Variants in OCA2 observed in about 807,000 individuals in gnomAD.
OCA2 encodes P protein.
OCA2 carries 77 observed loss-of-function variants against 100.2 expected under a neutral mutation model. The observed-to-expected ratio is 0.77, with a 90% CI of 0.64 to 0.93. OCA2 has a LOEUF of 0.93. OCA2 is among the 40% of genes least tolerant of loss of function. OCA2 has a pLI of 0.00. For missense variants in OCA2, 1,062 were observed against 1,089.1 expected, an observed-to-expected ratio of 0.98 and a Z score of 0.35; for synonymous variants, 432 against 439.2, an observed-to-expected ratio of 0.98 and a Z score of 0.21.
At chr15:27,983,598 C>T in intron 13 of OCA2, 115 bp from the exon 14 acceptor site, 8 of 1,101,600 alleles carry the variant, frequency 7.3e-6, no homozygotes, top group Non-Finnish European at 1.1e-5. Context: ...CGCACACACA[C>T]ACACCCCTGT....
chr15:28,001,690 G>A (rs2041931272), intron 9 of OCA2, among the ~76,000 whole-genome samples: 1 of 152,208 alleles, frequency 6.6e-6, no homozygotes, highest in South Asian at 2.1e-4. Context: ...GACACATCAG[G>A]AAGGAAGAGA....
chr15:27,913,887 G>GAAAGAAAGAAAGAA (rs1567098299), intron 19 of OCA2, among the ~76,000 whole-genome samples: 8 of 48,900 alleles, frequency 1.6e-4, no homozygotes, highest in Non-Finnish European at 2.2e-4. Context: ...AAGAAAGAAA[G>GAAAGAAAGAAAGAA]AAAGAAAGCA....
chr15:27,900,536 T>C (rs373650034), intron 19 of OCA2, among the ~76,000 whole-genome samples: 2 of 152,372 alleles, frequency 1.3e-5, no homozygotes, highest in East Asian at 1.9e-4. Flanking sequence ...TCTTTTGCTA[T>C]GTGTCTCTTG....
chr15:27,785,092 C>T (rs1434595021), intron 23 of OCA2, among the ~76,000 whole-genome samples: 1 of 152,132 alleles, frequency 6.6e-6, no homozygotes, highest in African/African-American at 2.4e-5. Flanking sequence ...ATAACCACCA[C>T]ATTACATACA....
chr15:28,065,366 T>C (rs1297292711), intron 2 of OCA2, among the ~76,000 whole-genome samples: 1 of 152,184 alleles, frequency 6.6e-6, no homozygotes, highest in Non-Finnish European at 1.5e-5. Flanking sequence ...GTCTATTGTA[T>C]GCCTCAATCA....
intron 22 of OCA2, among the ~76,000 whole-genome samples, chr15:27,849,540 T>TA (rs10624460): frequency 0.15 from 22,795 of 148,754 alleles, 3,219 homozygotes; most frequent in African/African-American, 0.37. Context: ...TCAGACCAGT[T>TA]AAAAAAAAAA....
At chr15:28,005,246 G>A (rs917496124) in intron 9 of OCA2, among the ~76,000 whole-genome samples, 3 of 152,016 alleles carry the variant, frequency 2.0e-5, no homozygotes, top group African/African-American at 7.2e-5. Flanking sequence ...GAAAGGGCTG[G>A]GGGGTGTCTT....
intron 2 of OCA2, among the ~76,000 whole-genome samples, chr15:28,055,467 C>A (rs965602038): frequency 1.3e-5 from 2 of 152,186 alleles, no homozygotes; most frequent in Non-Finnish European, 2.9e-5. Context: ...TGCAGAAGTT[C>A]GAGGGCTTTG....
intron 23 of OCA2, among the ~76,000 whole-genome samples, chr15:27,834,296 G>T (rs55827743): frequency 0.028 from 4,315 of 152,310 alleles, 85 homozygotes; most frequent in African/African-American, 0.055. Flanking sequence ...ACGAATTCAT[G>T]TGTCAGGAGG....
chr15:28,063,596 G>T (rs1444236933), intron 2 of OCA2, among the ~76,000 whole-genome samples: 1 of 151,738 alleles, frequency 6.6e-6, no homozygotes, highest in East Asian at 1.9e-4. Context: ...TCTTGTGATT[G>T]CTGAGAGGAT....
At chr15:28,003,834 A>C (rs74323543) in intron 9 of OCA2, among the ~76,000 whole-genome samples, 4,736 of 152,260 alleles carry the variant, frequency 0.031, 274 homozygotes, top group African/African-American at 0.11. Flanking sequence ...TGGGCCTTCC[A>C]AGGGCCACCC....
At chr15:28,026,733 C>T (rs2042759575) in intron 4 of OCA2, among the ~76,000 whole-genome samples, 1 of 152,268 alleles carries the variant, frequency 6.6e-6, no homozygotes, top group South Asian at 2.1e-4. Context: ...GAGTCTGAGG[C>T]GGGCCTCTTC....
chr15:27,795,358 G>A (rs369059993), intron 23 of OCA2, among the ~76,000 whole-genome samples: 3 of 151,590 alleles, frequency 2.0e-5, no homozygotes, highest in Admixed American at 6.6e-5. Flanking sequence ...TTCAGCCATC[G>A]AAAGCTCCTT....
chr15:28,020,065 T>C (rs1191437695), intron 6 of OCA2, among the ~76,000 whole-genome samples: 4 of 151,644 alleles, frequency 2.6e-5, no homozygotes, highest in African/African-American at 9.7e-5. Flanking sequence ...GCTCTCTCTC[T>C]CCCTCTTCAT....
In OCA2 at chr15:28,027,224, C is replaced by T. The variant is rs1250354855; in HGVS notation, c.515+647G>A. On this transcript the variant is annotated intron_variant, in intron 4 of 23. Transcript: ENST00000354638. ...CGCATGCGCGCCCTAGGCCTACACACGCATGCGTACTCCCACTCCCACGCC... is the reference window on the plus strand; with the variant it reads ...CGCATGCGCGCCCTAGGCCTACACATGCATGCGTACTCCCACTCCCACGCC... 3.3e-5 allele frequency among the ~76,000 whole-genome samples: 5 copies of T among 152,206 alleles called. No individual in the cohort carries two copies. The South Asian group carries it at 6.2e-4, about 19-fold the overall frequency.
At chr15:28,066,617 A>C (rs1439915351) in intron 2 of OCA2, among the ~76,000 whole-genome samples, 1 of 152,172 alleles carries the variant, frequency 6.6e-6, no homozygotes, top group Non-Finnish European at 1.5e-5. Flanking sequence ...ATTTTGCCCC[A>C]AAATATATTT....
At chr15:27,785,713 CAT>C (rs1210144190) in intron 23 of OCA2, among the ~76,000 whole-genome samples, 2 of 152,140 alleles carry the variant, frequency 1.3e-5, no homozygotes, top group African/African-American at 4.8e-5. Flanking sequence ...CAGGAAATCC[CAT>C]ATGTTCCCAC....
intron 9 of OCA2, among the ~76,000 whole-genome samples, chr15:27,996,170 A>G (rs1255013247): frequency 6.6e-6 from 1 of 152,190 alleles, no homozygotes; most frequent in African/African-American, 2.4e-5. Context: ...ATCAGAAAGT[A>G]TCTTGAGACA....
the OCA2 span, among the ~76,000 whole-genome samples, chr15:27,726,792 C>G: frequency 6.6e-6 from 1 of 152,238 alleles, no homozygotes; most frequent in Non-Finnish European, 1.5e-5. Flanking sequence ...GAATCCAGCA[C>G]TTGGCCGTCT....
Sources: allele counts gnomAD v4.1 joint callset (sites outside exome capture counted in the v4.1 genomes callset), GRCh38; gene constraint gnomAD v4.1.1; transcripts MANE v1.5; gene names NCBI Gene and HGNC (gene_info 2026-07-23, HGNC 2026-07-21).